SASH1: variants seen among roughly 807,000 people sequenced by gnomAD.
SASH1 encodes SAM and SH3 domain containing 1.
Under a neutral mutation model 125.2 loss-of-function variants are expected in SASH1, and 44 were observed. The observed-to-expected ratio is 0.35, with a 90% CI of 0.28 to 0.45. The LOEUF is 0.45. SASH1 is among the 20% of genes least tolerant of loss of function. SASH1 has a pLI of 1.00. For missense variants in SASH1, 1,426 were observed against 1,614.5 expected (o/e 0.88, Z 2.00); for synonymous variants, 639 against 649.1 (o/e 0.98, Z 0.24).
the SASH1 span, among the ~76,000 whole-genome samples, chr6:148,211,269 T>G: frequency 0.064 from 9,792 of 152,244 alleles, 443 homozygotes; most frequent in Non-Finnish European, 0.09. Flanking sequence ...AAGAAAAGCC[T>G]TTTGAAGGGC....
At chr6:148,546,291 C>A in intron 19 of SASH1, 145 bp downstream of exon 19, 2 of 912,874 alleles carry the variant, frequency 2.2e-6, no homozygotes, top group Non-Finnish European at 1.6e-6. Context: ...TGTGGTCAGC[C>A]TAGAAATGTT....
At position 148,534,795 on chromosome 6, in the gene SASH1, C is replaced by A. The variant is rs746473743; in HGVS notation, c.1989C>A (p.Asp663Glu). The A allele has an allele frequency of 6.2e-7, 1 of 1,614,198 alleles. No homozygotes were observed. The highest frequency in any genetic ancestry group is 8.5e-7 in the Non-Finnish European group (1 of 1,180,030). The change falls in exon 16 of 20, where the codon GAC becomes GAA. Residue 663 changes from aspartate (D) to glutamate (E), a missense_variant. Asp to Glu is a conservative substitution (Grantham distance 45). Transcript: ENST00000367467. ...TFLFNGYEDL[D>E]TFKLLEEEDL... ...TGTTCAATGGATATGAAGATTTGGA[C>A]ACCTTTAAGCTGCTGGAGGAGGAAG...
intron 4 of SASH1, among the ~76,000 whole-genome samples, chr6:148,442,860 A>G (rs899697409): frequency 1.3e-5 from 2 of 151,586 alleles, no homozygotes; most frequent in African/African-American, 4.9e-5. Flanking sequence ...TGCAACCTCC[A>G]CCTCTTGGGT....
chr6:148,397,302 G>A (rs2114854466), intron 2 of SASH1, among the ~76,000 whole-genome samples: 1 of 152,180 alleles, frequency 6.6e-6, no homozygotes, highest in Admixed American at 6.5e-5. Context: ...CCAACATGGT[G>A]AAACCCCATC....
At chr6:148,305,644 A>AG (rs1780109118) in intron 1 of SASH1, among the ~76,000 whole-genome samples, 1 of 148,810 alleles carries the variant, frequency 6.7e-6, no homozygotes, top group South Asian at 2.1e-4. Context: ...AAAAAAAAAA[A>AG]GAAAGAAAGA....
intron 7 of SASH1, chr6:148,479,849 C>G (rs1261761439): frequency 1.3e-5 from 2 of 152,616 alleles, no homozygotes; most frequent in Admixed American, 6.5e-5. Context: ...CCAAACTTTA[C>G]TGGATACTAC....
intron 7 of SASH1, among the ~76,000 whole-genome samples, chr6:148,486,568 A>G (rs1042683704): frequency 2.0e-5 from 3 of 152,052 alleles, no homozygotes; most frequent in African/African-American, 7.3e-5. Context: ...AGGTGATAAC[A>G]TGGGACTAGC....
Position 148,452,479 on chromosome 6 carries a change from T to C in SASH1, c.386+12072T>C, listed in dbSNP as rs887797001. Among the ~76,000 whole-genome samples the C allele has an allele frequency of 5.9e-5, 9 of 152,200 alleles. 1 individual carries two copies. The highest frequency in any genetic ancestry group is 1.3e-4 in the Non-Finnish European group (9 of 68,026). ...ATCAATTTAGCTTGGACTCTGCATA[T>C]CCCACTATGTTGTAGCTGGCCTAGG... On this transcript the variant is annotated intron_variant, in intron 4 of 19. Transcript: ENST00000367467.
At chr6:148,238,209 C>CTTATTTTATT in the SASH1 span, among the ~76,000 whole-genome samples, 49 of 148,124 alleles carry the variant, frequency 3.3e-4, no homozygotes, top group African/African-American at 1.1e-3. Flanking sequence ...CCCCATAGTA[C>CTTATTTTATT]TTACTTTATT....
At chr6:148,231,499 T>G in the SASH1 span, among the ~76,000 whole-genome samples, 3 of 152,194 alleles carry the variant, frequency 2.0e-5, no homozygotes, top group Non-Finnish European at 1.5e-5. Context: ...ACAACAAATT[T>G]TTAAAAGAAT....
Position 148,548,665 on chromosome 6 carries a change from A to T in SASH1, c.*107A>T. On this transcript the variant is annotated 3_prime_UTR_variant, in exon 20 of 20. Transcript: ENST00000367467. ...TGGACGTGCAGACCAGATCCAGAAGAAAGGCCTGGCGTGTGGCCAAACAGC... is the reference window on the plus strand; with the variant it reads ...TGGACGTGCAGACCAGATCCAGAAGTAAGGCCTGGCGTGTGGCCAAACAGC... 2.2e-6 allele frequency: 3 copies of T among 1,360,924 alleles called. No individual in the cohort carries two copies. Among genetic ancestry groups the T allele is most frequent in the African/African-American group, 2.9e-5 (2 of 68,928 alleles). The allele number at this position is 1,360,924 out of a possible 1,614,324, so 84.3% of individuals were successfully genotyped here. A position where few individuals can be genotyped will look rare whatever the true frequency, so the allele number is the denominator to read the frequency against.
At chr6:148,206,989 G>T in the SASH1 span, among the ~76,000 whole-genome samples, 1 of 152,142 alleles carries the variant, frequency 6.6e-6, no homozygotes, top group Admixed American at 6.5e-5. Flanking sequence ...TCTGTTCAAA[G>T]TTTTTTATTT....
chr6:148,340,312 G>A (rs537760334), upstream of SASH1, among the ~76,000 whole-genome samples: 20 of 151,872 alleles, frequency 1.3e-4, 1 homozygote, highest in Middle Eastern at 3.4e-3. Context: ...GTGAAACCCC[G>A]TCTCTACTAA....
At chr6:148,278,013 C>A (rs533488591) in intron 1 of SASH1, among the ~76,000 whole-genome samples, 1 of 151,784 alleles carries the variant, frequency 6.6e-6, no homozygotes, top group Non-Finnish European at 1.5e-5. Flanking sequence ...CTGCTCCCGG[C>A]CTTGTTTTGT....
At chr6:148,238,866 T>C in the SASH1 span, among the ~76,000 whole-genome samples, 1 of 152,108 alleles carries the variant, frequency 6.6e-6, no homozygotes, top group Non-Finnish European at 1.5e-5. Flanking sequence ...GAACTACAAA[T>C]ATGGGTAAGC....
chr6:148,386,203 CTG>C (rs1428005208), intron 1 of SASH1, among the ~76,000 whole-genome samples: 3 of 152,142 alleles, frequency 2.0e-5, no homozygotes, highest in African/African-American at 7.2e-5. Context: ...GAAGTGATCT[CTG>C]TTGTGAGGCT....
intron 2 of SASH1, among the ~76,000 whole-genome samples, chr6:148,431,614 C>A (rs1481006782): frequency 6.6e-6 from 1 of 151,744 alleles, no homozygotes; most frequent in Non-Finnish European, 1.5e-5. Flanking sequence ...TGTTGACTTT[C>A]AGGTTGCCCT....
intron 2 of SASH1, among the ~76,000 whole-genome samples, chr6:148,392,893 T>C (rs968413790): frequency 6.6e-6 from 1 of 152,290 alleles, no homozygotes; most frequent in East Asian, 1.9e-4. Flanking sequence ...AAAGTAACTT[T>C]ATGTGTCAAA....
rs549202791 is a variant in SASH1, at chr6:148,519,090, A to G, written c.863-457A>G. 5.3e-4 allele frequency among the ~76,000 whole-genome samples: 81 copies of G among 152,334 alleles called. No individual in the cohort carries two copies. Among genetic ancestry groups the G allele is most frequent in the African/African-American group, 1.9e-3 (79 of 41,572 alleles). ...CTCAAATGGCATATGTACCAATAAAACAATCACTGTCAGCCACATGACATT... is the reference window on the plus strand; with the variant it reads ...CTCAAATGGCATATGTACCAATAAAGCAATCACTGTCAGCCACATGACATT... On this transcript the variant is annotated intron_variant, in intron 9 of 19. Coordinates refer to ENST00000367467, the MANE Select transcript of SASH1 (RefSeq NM_015278.5). This position sits in a 1 kb window ranked among gnomAD's most constrained non-coding sequence, Gnocchi z 4.8.
Sources: allele counts gnomAD v4.1 joint callset (sites outside exome capture counted in the v4.1 genomes callset), GRCh38; gene constraint gnomAD v4.1.1; non-coding constraint Gnocchi (gnomAD v3.1); transcripts MANE v1.5; gene names NCBI Gene and HGNC (gene_info 2026-07-23, HGNC 2026-07-21).